The following SLC43A3 variants were observed in gnomAD, a reference collection of about 807,000 sequenced individuals.
The protein encoded by SLC43A3 is equilibrative nucleobase transporter 1.
SLC43A3 carries 33 observed loss-of-function variants against 53.3 expected under a neutral mutation model. The ratio of observed to expected loss-of-function variants is 0.62; its 90% CI spans 0.47 to 0.83. The LOEUF (loss-of-function observed/expected upper bound fraction) is 0.83, where lower values mean the gene tolerates loss of function less well. Ranked by LOEUF, SLC43A3 falls within the 40% of genes least tolerant of loss-of-function variation. SLC43A3 has a pLI of 0.00. For synonymous variants in SLC43A3, 236 were observed against 246.2 expected (o/e 0.96, Z 0.39); for missense variants, 530 against 610.0 (o/e 0.87, Z 1.38).
intron 9 of SLC43A3, 33 bp from the exon 10 acceptor site, chr11:57,415,139 A>G (rs764493255): frequency 6.3e-7 from 1 of 1,589,884 alleles, no homozygotes; most frequent in Non-Finnish European, 8.6e-7. Flanking sequence ...GGCGTGAATT[A>G]CGAGGAAAGT....
intron 8 of SLC43A3, 123 bp from the exon 9 acceptor site, chr11:57,416,793 C>T (rs2135019100): frequency 1.4e-6 from 1 of 717,640 alleles, no homozygotes; most frequent in Admixed American, 2.3e-5. Flanking sequence ...CTTTTAGCCA[C>T]TCTGATGCCC....
At position 57,409,261 on chromosome 11, in the gene SLC43A3, C is replaced by T. The variant is rs187399098; in HGVS notation, c.1285G>A (p.Val429Met). The T allele has an allele frequency of 1.1e-5, 17 of 1,614,092 alleles. No individual in the cohort carries two copies. The highest frequency in any genetic ancestry group is 1.4e-5 in the Non-Finnish European group (16 of 1,180,040). The stretch of plus-strand genomic sequence containing the variant: ...GACACCACAGCCGACAAGGCCATCA[C>T]CAGCCCAAAGAGCTTGCCAAAGTGC... ...SEHFGKLFGL[V>M]MALSAVVSLL... Residue 429 changes from valine (V) to methionine (M), a missense_variant, in exon 13 of 14, where the codon GTG (valine) becomes ATG (methionine). Val to Met is a conservative substitution (Grantham distance 21). This residue lies in a region of SLC43A3 where 124 missense variants were observed against 166.4 expected (regional missense o/e 0.75). Coordinates refer to ENST00000395124, the MANE Select transcript of SLC43A3 (RefSeq NM_199329.3).
chr11:57,419,386 C>T (rs997946016), intron 7 of SLC43A3, among the ~76,000 whole-genome samples: 7 of 152,148 alleles, frequency 4.6e-5, no homozygotes, highest in East Asian at 3.8e-4. Context: ...CAGAGAGTGA[C>T]GTTGAGGTCC....
chr11:57,419,083 G>C (rs933265962), intron 7 of SLC43A3, among the ~76,000 whole-genome samples: 1 of 151,788 alleles, frequency 6.6e-6, no homozygotes, highest in South Asian at 2.1e-4. Flanking sequence ...AGACACACCC[G>C]GCAGTAGAGG....
Position 57,426,333 on chromosome 11 carries a change from A to C in SLC43A3, c.-161T>G. 1.6e-6 allele frequency: 1 copy of C among 629,612 alleles called. No homozygotes were observed. Among genetic ancestry groups the C allele is most frequent in the Non-Finnish European group, 2.7e-6 (1 of 364,560 alleles). The allele number at this position is 629,612 out of a possible 1,614,324, so 39.0% of individuals were successfully genotyped here. ...GTTTCAGGCCTGGGCAAAAACCATCAGCGGGTGATTCTCTGGATCCTGTAG... is the reference window on the plus strand; with the variant it reads ...GTTTCAGGCCTGGGCAAAAACCATCCGCGGGTGATTCTCTGGATCCTGTAG... On this transcript the variant is annotated 5_prime_UTR_variant, in exon 3 of 14. Coordinates refer to ENST00000395124, the MANE Select transcript of SLC43A3 (RefSeq NM_199329.3).
chr11:57,421,179 G>A, intron 6 of SLC43A3, 115 bp from the exon 7 acceptor site: 1 of 1,209,168 alleles, frequency 8.3e-7, no homozygotes, highest in Non-Finnish European at 1.2e-6. Flanking sequence ...CACCGCTAGA[G>A]CTCCCACCTC....
At position 57,423,882 on chromosome 11, in the gene SLC43A3, T is replaced by G. The variant is rs544234603; in HGVS notation, c.361+100A>C. The G allele has an allele frequency of 3.2e-6, 3 of 923,548 alleles. No homozygotes were observed. The African/African-American group carries it at 4.9e-5, about 15-fold the overall frequency. The allele number at this position is 923,548 out of a possible 1,614,324, so 57.2% of individuals were successfully genotyped here. On this transcript the variant is annotated intron_variant, in intron 5 of 13. Transcript: ENST00000395124. ...CAAGCTGCAGATCTCTGAATAACCA[T>G]GTGGTCTGTATATCTTGCCTATAGC... is the stretch of plus-strand genomic sequence containing the variant.
Position 57,407,726 on chromosome 11 carries a change from A to C in SLC43A3, c.*66T>G, listed in dbSNP as rs995496057. ...GATAGGCAAAGTCTTTTGGGACACGAGGTCCTCAAAGGTGGTGGAAGATGA... is the reference window on the plus strand; with the variant it reads ...GATAGGCAAAGTCTTTTGGGACACGCGGTCCTCAAAGGTGGTGGAAGATGA... On this transcript the variant is annotated 3_prime_UTR_variant, in exon 14 of 14. Coordinates refer to ENST00000395124, the MANE Select transcript of SLC43A3 (RefSeq NM_199329.3). 1 of 907,598 alleles carries C rather than the reference A, an allele frequency of 1.1e-6. No individual in the cohort carries two copies. Among genetic ancestry groups the C allele is most frequent in the East Asian group, 2.4e-5 (1 of 41,372 alleles). The allele number at this position is 907,598 out of a possible 1,614,324, so 56.2% of individuals were successfully genotyped here.
chr11:57,408,998 T>G (rs1942329406), intron 13 of SLC43A3, among the ~76,000 whole-genome samples, 177 bp downstream of exon 13: 1 of 152,196 alleles, frequency 6.6e-6, no homozygotes, highest in African/African-American at 2.4e-5. Flanking sequence ...CCCACCCTAC[T>G]CCAGAATGTC....
intron 2 of SLC43A3, 22 bp downstream of exon 2, chr11:57,426,566 A>T (rs1384581814): frequency 1.2e-5 from 2 of 171,932 alleles, no homozygotes; most frequent in East Asian, 3.1e-4. Context: ...ACCTGGAGTC[A>T]CAGGTGAGAT....
At chr11:57,419,198 T>A (rs1942866608) in intron 7 of SLC43A3, among the ~76,000 whole-genome samples, 2 of 152,156 alleles carry the variant, frequency 1.3e-5, no homozygotes, top group Non-Finnish European at 2.9e-5. Flanking sequence ...GCAAAGGCCT[T>A]TTGTTCAAAG....
chr11:57,424,689 G>A (rs1227590135), intron 4 of SLC43A3, among the ~76,000 whole-genome samples: 3 of 152,164 alleles, frequency 2.0e-5, no homozygotes, highest in African/African-American at 7.2e-5. Flanking sequence ...GGAGGTAGCA[G>A]GGAGCCAAGG....
intron 4 of SLC43A3, among the ~76,000 whole-genome samples, chr11:57,424,826 A>G (rs1242486066): frequency 6.6e-6 from 1 of 152,128 alleles, no homozygotes; most frequent in African/African-American, 2.4e-5. Context: ...CTGACAGCCA[A>G]TCTCACATGT....
rs1342886211 is a variant in SLC43A3 at position 57,426,152 on chromosome 11, G to T, written c.21C>A (p.Pro7=). The change falls in exon 3 of 14, where the codon CCC becomes CCA. Residue 7 remains proline, a synonymous_variant. Coordinates refer to ENST00000395124, the MANE Select transcript of SLC43A3 (RefSeq NM_199329.3). ...CAGTCAGCAGTGTGGCCACGTGCAG[G>T]GGCAGGCCCTGGCCCGCCATGAGCA... is the stretch of plus-strand genomic sequence containing the variant. MAGQGL[P]LHVATLLTGL... The T allele has an allele frequency of 6.2e-7, 1 of 1,614,118 alleles. No individual in the cohort carries two copies. Among genetic ancestry groups the T allele is most frequent in the East Asian group, 2.2e-5 (1 of 44,880 alleles).
rs1554972131 is a variant in SLC43A3, at chr11:57,407,665, T to TTTTGTGTG, written c.*126_*127insCACACAAA. Reference sequence around the variant, plus strand: ...GCAGACGTCCTTGTGTGTCTTTATTTTGTGTGTGTGTGTGTGTGTGTGTGT... The same window carrying TTTTGTGTG: ...GCAGACGTCCTTGTGTGTCTTTATTTTTTGTGTGTGTGTGTGTGTGTGTGTGTGTGTGT... On this transcript the variant is annotated 3_prime_UTR_variant, in exon 14 of 14. Coordinates refer to ENST00000395124, the MANE Select transcript of SLC43A3 (RefSeq NM_199329.3). 3 of 566,598 alleles carry TTTTGTGTG rather than the reference T, an allele frequency of 5.3e-6. No homozygotes were observed. The highest frequency in any genetic ancestry group is 3.3e-5 in the Admixed American group (1 of 30,598). The allele number at this position is 566,598 out of a possible 1,614,324, so 35.1% of individuals were successfully genotyped here.
At chr11:57,415,242 GCT>G in intron 9 of SLC43A3, 136 bp from the exon 10 acceptor site, 2 of 1,539,610 alleles carry the variant, frequency 1.3e-6, no homozygotes, top group Non-Finnish European at 1.7e-6. Flanking sequence ...CACCCGGCGT[GCT>G]CTGCACCTGC....
chr11:57,421,018 TAC>T lies in SLC43A3; in HGVS notation c.483_484del (p.Tyr162GlnfsTer5), dbSNP rs1942960190. The T allele has an allele frequency of 6.2e-7, 1 of 1,614,036 alleles. No homozygotes were observed. Among genetic ancestry groups the T allele is most frequent in the Non-Finnish European group, 8.5e-7 (1 of 1,179,886 alleles). On this transcript the variant is annotated frameshift_variant, in exon 7 of 14. Coordinates refer to ENST00000395124, the MANE Select transcript of SLC43A3 (RefSeq NM_199329.3). LOFTEE classifies it high-confidence loss of function. Reference sequence around the variant, plus strand: ...CGAGGAAGAGTCAAATGCTCCATTGTACAGAGTGATGATGGTCGAACGGTGTT... The same window carrying T: ...CGAGGAAGAGTCAAATGCTCCATTGTAGAGTGATGATGGTCGAACGGTGTT...
intron 3 of SLC43A3, 149 bp from the exon 4 acceptor site, chr11:57,425,819 G>A: frequency 2.1e-6 from 3 of 1,405,522 alleles, no homozygotes; most frequent in Non-Finnish European, 2.9e-6. Flanking sequence ...TTACCCCTCA[G>A]GAGCTGGTGC....
At position 57,420,906 on chromosome 11, in the gene SLC43A3, AGGT is replaced by A; in HGVS notation, c.531+63_531+65del. 4 of 1,063,100 alleles carry A rather than the reference AGGT, an allele frequency of 3.8e-6. 1 individual carries two copies. In the South Asian group the frequency reaches 3.8e-5, roughly 10 times the overall value. The allele number at this position is 1,063,100 out of a possible 1,614,324, so 65.9% of individuals were successfully genotyped here. On this transcript the variant is annotated intron_variant, in intron 7 of 13. Transcript: ENST00000395124. ...CCGAGTTGATGGAGACAAATAATGC[AGGT>A]TCACAAGACAAGTGTCTGGCATATA...
Sources: allele counts gnomAD v4.1 joint callset (sites outside exome capture counted in the v4.1 genomes callset), GRCh38; gene constraint gnomAD v4.1.1; regional missense constraint gnomAD v4.1.1; transcripts MANE v1.5; gene names NCBI Gene and HGNC (gene_info 2026-07-23, HGNC 2026-07-21).